The following DENND5A variants were observed in gnomAD, a reference collection of about 807,000 sequenced individuals.
DENND5A encodes the protein DENN domain-containing protein 5A.
DENND5A carries 64 observed loss-of-function variants against 140.3 expected under a neutral mutation model. The observed-to-expected ratio is 0.46, with a 90% CI of 0.37 to 0.56. DENND5A has a LOEUF of 0.56. DENND5A is among the 20% of genes least tolerant of loss of function. The pLI is 0.00. For synonymous variants in DENND5A, 605 were observed against 607.7 expected (o/e 1.00, Z 0.07); for missense variants, 1,292 against 1,593.8 (o/e 0.81, Z 3.22).
chr11:9,141,189 T>C (rs1564876777), intron 22 of DENND5A, among the ~76,000 whole-genome samples: 12 of 152,198 alleles, frequency 7.9e-5, no homozygotes. Flanking sequence ...GCTGTCTTCC[T>C]ACCAACTTCC....
At chr11:9,260,759 G>A (rs1181722151) in intron 1 of DENND5A, among the ~76,000 whole-genome samples, 1 of 152,176 alleles carries the variant, frequency 6.6e-6, no homozygotes, top group Non-Finnish European at 1.5e-5. Context: ...AGAAGTGACA[G>A]GAAGAGATTC....
intron 8 of DENND5A, chr11:9,175,386 T>C (rs953633206): frequency 4.6e-5 from 7 of 152,192 alleles, no homozygotes; most frequent in Non-Finnish European, 8.8e-5. Context: ...GCCATGTTAA[T>C]GGATCAGAAG....
chr11:9,197,141 C>T (rs1849357284), intron 4 of DENND5A, among the ~76,000 whole-genome samples: 1 of 150,784 alleles, frequency 6.6e-6, no homozygotes. Flanking sequence ...CCCGTCTCTA[C>T]TAAAAACACA....
intron 22 of DENND5A, chr11:9,140,147 C>T (rs185788619): frequency 1.2e-5 from 17 of 1,425,266 alleles, no homozygotes; most frequent in Non-Finnish European, 1.6e-5. Context: ...AGCTTCTCTC[C>T]TCCCACAGCT....
intron 5 of DENND5A, among the ~76,000 whole-genome samples, chr11:9,186,820 C>T (rs1194207344): frequency 6.6e-6 from 1 of 152,208 alleles, no homozygotes; most frequent in Non-Finnish European, 1.5e-5. Context: ...GTGGCTCACG[C>T]CTGTAATCCC....
intron 1 of DENND5A, among the ~76,000 whole-genome samples, chr11:9,260,852 T>C (rs1852164898): frequency 6.6e-6 from 1 of 152,116 alleles, no homozygotes; most frequent in Non-Finnish European, 1.5e-5. Flanking sequence ...TATTTTTAGT[T>C]GTATTTGTTT....
intron 1 of DENND5A, among the ~76,000 whole-genome samples, chr11:9,258,717 G>A (rs992936733): frequency 4.6e-5 from 7 of 152,044 alleles, no homozygotes; most frequent in African/African-American, 1.5e-4. Flanking sequence ...TATCACTCAA[G>A]TAGCAGAAAA....
intron 5 of DENND5A, among the ~76,000 whole-genome samples, chr11:9,183,452 T>C (rs1344737166): frequency 6.8e-6 from 1 of 147,810 alleles, no homozygotes; most frequent in Non-Finnish European, 1.5e-5. Flanking sequence ...TTTTTTTTTT[T>C]TTGAGACAGA....
At chr11:9,235,685 G>A (rs1241928423) in intron 1 of DENND5A, among the ~76,000 whole-genome samples, 5 of 150,880 alleles carry the variant, frequency 3.3e-5, no homozygotes, top group African/African-American at 4.9e-5. Context: ...AAAAAATCAC[G>A]CTACCTGAAA....
chr11:9,248,738 G>T (rs1442924500), intron 1 of DENND5A, among the ~76,000 whole-genome samples: 1 of 151,958 alleles, frequency 6.6e-6, no homozygotes, highest in Admixed American at 6.6e-5. Context: ...CATTCAATTG[G>T]CTGAGGGGCT....
intron 1 of DENND5A, among the ~76,000 whole-genome samples, chr11:9,247,665 T>C (rs959810831): frequency 6.6e-6 from 1 of 152,160 alleles, no homozygotes; most frequent in Admixed American, 6.6e-5. Flanking sequence ...GTGCCTGAGA[T>C]GCTCATGTTA....
At chr11:9,186,857 G>C (rs1419681265) in intron 5 of DENND5A, among the ~76,000 whole-genome samples, 1 of 152,192 alleles carries the variant, frequency 6.6e-6, no homozygotes, top group Non-Finnish European at 1.5e-5. Flanking sequence ...GAGGCGGGCA[G>C]ATCACTTGAA....
intron 1 of DENND5A, among the ~76,000 whole-genome samples, chr11:9,233,751 C>T (rs1850877358): frequency 1.3e-5 from 2 of 152,106 alleles, no homozygotes; most frequent in South Asian, 2.1e-4. Flanking sequence ...GAATTATTCT[C>T]CCCAAGAGCC....
rs1000455784 is a variant in DENND5A at position 9,235,397 on chromosome 11, G to A, written c.110-27765C>T. ...TGCTAGGCTGGGCGGGGTGGCTCAC[G>A]CCTGTAATCCCAGCACTTTGGGAGG... On this transcript the variant is annotated intron_variant, in intron 1 of 22. Coordinates refer to ENST00000328194, the MANE Select transcript of DENND5A (RefSeq NM_015213.4). 5.3e-5 allele frequency among the ~76,000 whole-genome samples: 8 copies of A among 152,298 alleles called. No homozygotes were observed. In the South Asian group the frequency reaches 6.2e-4, roughly 12 times the overall value.
chr11:9,150,143 G>T lies in DENND5A; in HGVS notation c.2673C>A (p.Ser891=). ...VGKARAWVRL[S]MEKKLLSRHL... is the part of the protein sequence containing the mutation. ...GTCTGGAAAGTAACTTTTTTTCCAT[G>T]GACAGTCGCACCCATGCTCTGGCCT... The change falls in exon 15 of 23, where the codon TCC becomes TCA. Residue 891 remains serine, a synonymous_variant. Transcript: ENST00000328194. 6.2e-7 allele frequency: 1 copy of T among 1,613,870 alleles called. No individual in the cohort carries two copies. The highest frequency in any genetic ancestry group is 1.1e-5 in the South Asian group (1 of 91,066).
intron 1 of DENND5A, chr11:9,242,506 T>C (rs1025953115): frequency 3.9e-5 from 6 of 152,168 alleles, no homozygotes; most frequent in African/African-American, 1.2e-4. Context: ...AAGTTGGTCT[T>C]TCAATAACAC....
At chr11:9,231,120 G>T (rs997975931) in intron 1 of DENND5A, among the ~76,000 whole-genome samples, 4 of 152,170 alleles carry the variant, frequency 2.6e-5, no homozygotes, top group Non-Finnish European at 5.9e-5. Context: ...ACAAATATTA[G>T]CTCCTTTCTT....
At chr11:9,145,909 C>T (rs1447561651) in intron 16 of DENND5A, 94 bp from the exon 17 acceptor site, 7 of 1,340,920 alleles carry the variant, frequency 5.2e-6, no homozygotes, top group Admixed American at 3.6e-5. Context: ...GCTGGCACAA[C>T]TGTGGCTCCT....
Position 9,145,854 on chromosome 11 carries a change from G to C in DENND5A, c.2858-39C>G, listed in dbSNP as rs375291927. 2.5e-6 allele frequency: 4 copies of C among 1,610,744 alleles called. No homozygotes were observed. The African/African-American group carries it at 5.3e-5, about 22-fold the overall frequency. On this transcript the variant is annotated intron_variant, in intron 16 of 22. Coordinates refer to ENST00000328194, the MANE Select transcript of DENND5A (RefSeq NM_015213.4). Reference sequence around the variant, plus strand: ...GCCACAAAAGTATTGAGGAGAATTAGGAATCTTTCCCATACCAGATGGGAC... The same window carrying C: ...GCCACAAAAGTATTGAGGAGAATTACGAATCTTTCCCATACCAGATGGGAC...
Sources: allele counts gnomAD v4.1 joint callset (sites outside exome capture counted in the v4.1 genomes callset), GRCh38; gene constraint gnomAD v4.1.1; transcripts MANE v1.5; gene names NCBI Gene and HGNC (gene_info 2026-07-23, HGNC 2026-07-21).